Variants in JADE1 observed in about 807,000 individuals in gnomAD.
JADE1 encodes the protein protein Jade-1.
Under a neutral mutation model 81.8 loss-of-function variants are expected in JADE1, and 14 were observed. The observed-to-expected ratio is 0.17, with a 90% CI of 0.11 to 0.27. JADE1 has a LOEUF of 0.27. Ranked by LOEUF, JADE1 falls within the 10% of genes least tolerant of loss-of-function variation. The pLI is 1.00. For missense variants in JADE1, 690 were observed against 1,047.9 expected (o/e 0.66, Z 4.71); for synonymous variants, 353 against 391.9 (o/e 0.90, Z 1.17).
intron 2 of JADE1, among the ~76,000 whole-genome samples, chr4:128,842,575 C>A (rs1237503501): frequency 6.6e-6 from 1 of 152,192 alleles, no homozygotes; most frequent in African/African-American, 2.4e-5. Context: ...GCTGGGATTA[C>A]AGGCGTGAGC....
intron 1 of JADE1, among the ~76,000 whole-genome samples, chr4:128,823,198 T>G (rs1204311678): frequency 6.6e-6 from 1 of 152,172 alleles, no homozygotes; most frequent in Non-Finnish European, 1.5e-5. Context: ...TGCTGACTCT[T>G]AATTGAGTCA....
rs191410782 is a variant in JADE1, at chr4:128,862,355, T to G, written c.1503+130T>G. ...CCTTGTACACACCACAGCATGAGGT[T>G]GTGTTGGTTAAAAATATTTATGGGC... On this transcript the variant is annotated intron_variant, in intron 9 of 10. Transcript: ENST00000226319. 4.1e-6 allele frequency: 6 copies of G among 1,465,274 alleles called. No homozygotes were observed. In the Admixed American group the frequency reaches 8.0e-5, roughly 20 times the overall value. 90.8% of individuals were successfully genotyped at this position (1,465,274 alleles called of 1,614,324 possible).
chr4:128,868,157 C>G (rs1420637914), intron 10 of JADE1, among the ~76,000 whole-genome samples, 184 bp downstream of exon 10: 1 of 152,052 alleles, frequency 6.6e-6, no homozygotes, highest in African/African-American at 2.4e-5. Flanking sequence ...ATGAATTTGC[C>G]CTCTATAAAT....
chr4:128,811,629 C>A (rs1211736556), intron 1 of JADE1, among the ~76,000 whole-genome samples: 2 of 31,456 alleles, frequency 6.4e-5, no homozygotes, highest in Non-Finnish European at 1.5e-4. Flanking sequence ...CTGCGCCGCC[C>A]GGGCCGGGGT....
chr4:128,851,121 G>A (rs1730313269), intron 5 of JADE1, among the ~76,000 whole-genome samples: 1 of 152,178 alleles, frequency 6.6e-6, no homozygotes, highest in South Asian at 2.1e-4. Flanking sequence ...AGTAGAGACA[G>A]GATTTCGCCG....
At chr4:128,833,559 A>T (rs563642659) in intron 2 of JADE1, among the ~76,000 whole-genome samples, 1 of 152,134 alleles carries the variant, frequency 6.6e-6, no homozygotes, top group South Asian at 2.1e-4. Context: ...GCTGGGCATG[A>T]TGGTGTGTGC....
chr4:128,833,075 T>C (rs1728682772), intron 2 of JADE1, among the ~76,000 whole-genome samples: 2 of 152,100 alleles, frequency 1.3e-5, no homozygotes, highest in Admixed American at 6.6e-5. Context: ...AGTGAACTAG[T>C]TGAGAGAGGG....
intron 9 of JADE1, chr4:128,863,226 C>G (rs953261012): frequency 2.8e-5 from 28 of 985,442 alleles, no homozygotes; most frequent in Admixed American, 6.2e-5. Flanking sequence ...GCTAGGGCCT[C>G]CTGCTCCCTG....
chr4:128,853,772 G>A (rs1730566179), intron 6 of JADE1, among the ~76,000 whole-genome samples: 1 of 152,210 alleles, frequency 6.6e-6, no homozygotes, highest in African/African-American at 2.4e-5. Flanking sequence ...TTTGCTCCAT[G>A]AAGTTCTTGA....
chr4:128,872,549 G>T lies in JADE1; in HGVS notation c.*287G>T. The T allele has an allele frequency of 2.9e-6, 1 of 342,472 alleles. No individual in the cohort carries two copies. Among genetic ancestry groups the T allele is most frequent in the South Asian group, 4.5e-5 (1 of 22,036 alleles). The allele number at this position is 342,472 out of a possible 1,614,324, so 21.2% of individuals were successfully genotyped here. On this transcript the variant is annotated 3_prime_UTR_variant, in exon 11 of 11. Transcript: ENST00000226319. Reference sequence around the variant, plus strand: ...AATAAAAATGAAATGTTTTAAAGAAGGCAAGGCTTAAATAAGCCTCATGAA... The same window carrying T: ...AATAAAAATGAAATGTTTTAAAGAATGCAAGGCTTAAATAAGCCTCATGAA...
chr4:128,817,625 T>G (rs1727160222), intron 1 of JADE1, among the ~76,000 whole-genome samples: 1 of 152,216 alleles, frequency 6.6e-6, no homozygotes, highest in African/African-American at 2.4e-5. Flanking sequence ...ATTTAAATTT[T>G]TTATTGATTA....
Position 128,852,163 on chromosome 4 carries a change from G to A in JADE1, c.591G>A (p.Gly197=), listed in dbSNP as rs374232812. The change falls in exon 6 of 11, where the codon GGG becomes GGA. Residue 197 remains glycine, a synonymous_variant. Coordinates refer to ENST00000226319, the MANE Select transcript of JADE1 (RefSeq NM_199320.4). ...CCATAGAGACTGAGGAAGGCCTGGG[G>A]ATCGAATATGATGAAGATGTTGTCT... is the stretch of plus-strand genomic sequence containing the variant. ...NHAIETEEGL[G]IEYDEDVVCD... The A allele has an allele frequency of 1.4e-5, 22 of 1,614,170 alleles. 1 individual carries two copies. In the African/African-American group the frequency reaches 2.4e-4, roughly 18 times the overall value.
rs953649389 is a variant in JADE1 at position 128,863,715 on chromosome 4, ATG to A, written c.1503+1495_1503+1496del. On this transcript the variant is annotated intron_variant, in intron 9 of 10. Coordinates refer to ENST00000226319, the MANE Select transcript of JADE1 (RefSeq NM_199320.4). ...GACTTTGCCTCTCACAACTACATGT[ATG>A]TGTGGCATTTTTGTTAGAGATGAGA... 1.2e-5 allele frequency: 12 copies of A among 985,238 alleles called. No homozygotes were observed. The African/African-American group carries it at 1.9e-4, about 16-fold the overall frequency. 61.0% of individuals were successfully genotyped at this position (985,238 alleles called of 1,614,324 possible). A position where few individuals can be genotyped will look rare whatever the true frequency, so the allele number is the denominator to read the frequency against.
At chr4:128,859,375 ATGTG>A (rs750564297) in intron 8 of JADE1, among the ~76,000 whole-genome samples, 8 of 151,092 alleles carry the variant, frequency 5.3e-5, no homozygotes, top group East Asian at 3.9e-4. Flanking sequence ...GTGAATGTGT[ATGTG>A]TGTGAGTATG....
rs535023024 is a variant in JADE1 at position 128,861,390 on chromosome 4, C to T, written c.982-314C>T. On this transcript the variant is annotated intron_variant, in intron 8 of 10. Transcript: ENST00000226319. Reference sequence around the variant, plus strand: ...CCTTAAATTCCAAGACTTGGCTGGGCGCAGTGGCTCACGCCTGTAATCCCA... The same window carrying T: ...CCTTAAATTCCAAGACTTGGCTGGGTGCAGTGGCTCACGCCTGTAATCCCA... Among the ~76,000 whole-genome samples the T allele has an allele frequency of 4.6e-5, 7 of 152,298 alleles. No homozygotes were observed. The East Asian group carries it at 9.7e-4, about 21-fold the overall frequency.
intron 5 of JADE1, among the ~76,000 whole-genome samples, chr4:128,851,394 A>G (rs1241720230): frequency 2.6e-5 from 4 of 152,210 alleles, no homozygotes; most frequent in Non-Finnish European, 4.4e-5. Context: ...CCATTATATG[A>G]AGTCATGGTT....
chr4:128,851,772 T>C (rs1730378267), intron 5 of JADE1, among the ~76,000 whole-genome samples: 1 of 152,118 alleles, frequency 6.6e-6, no homozygotes, highest in Non-Finnish European at 1.5e-5. Flanking sequence ...CAAGCAGTTC[T>C]CCCACCGCAG....
At position 128,872,767 on chromosome 4, in the gene JADE1, A is replaced by G; in HGVS notation, c.*505A>G. The G allele has an allele frequency of 3.0e-6, 1 of 338,742 alleles. No individual in the cohort carries two copies. Among genetic ancestry groups the G allele is most frequent in the Non-Finnish European group, 6.0e-6 (1 of 165,782 alleles). The allele number at this position is 338,742 out of a possible 1,614,324, so 21.0% of individuals were successfully genotyped here. The stretch of plus-strand genomic sequence containing the variant: ...GGCTATTTTTGTTGCATTATAGCAT[A>G]TAGGCAGCAGCTCTGAAGCTTCAGT... On this transcript the variant is annotated 3_prime_UTR_variant, in exon 11 of 11. Coordinates refer to ENST00000226319, the MANE Select transcript of JADE1 (RefSeq NM_199320.4).
intron 1 of JADE1, among the ~76,000 whole-genome samples, chr4:128,830,125 C>T (rs1728419697): frequency 6.6e-6 from 1 of 151,638 alleles, no homozygotes; most frequent in African/African-American, 2.4e-5. Flanking sequence ...ATCCTCCCAC[C>T]TCGGCCTCCC....
Sources: allele counts gnomAD v4.1 joint callset (sites outside exome capture counted in the v4.1 genomes callset), GRCh38; gene constraint gnomAD v4.1.1; transcripts MANE v1.5; gene names NCBI Gene and HGNC (gene_info 2026-07-23, HGNC 2026-07-21).